The following HCN1 variants were observed in gnomAD, a reference collection of about 807,000 sequenced individuals.
HCN1 encodes the protein potassium/sodium hyperpolarization-activated cyclic nucleotide-gated channel 1.
Under a neutral mutation model 78.9 loss-of-function variants are expected in HCN1, and 13 were observed. The ratio of observed to expected loss-of-function variants is 0.16; its 90% confidence interval spans 0.11 to 0.26. HCN1 has a LOEUF of 0.26. HCN1 is among the 10% of genes least tolerant of loss of function. The pLI, the probability that HCN1 is intolerant of heterozygous loss-of-function variation, is 1.00. For missense variants in HCN1, 810 were observed against 1,154.3 expected, an observed-to-expected ratio of 0.70 and a Z score of 4.32; for synonymous variants, 552 against 455.5, an observed-to-expected ratio of 1.21 and a Z score of -2.70.
At chr5:45,408,779 T>C (rs1739974638) in intron 3 of HCN1, among the ~76,000 whole-genome samples, 1 of 152,178 alleles carries the variant, frequency 6.6e-6, no homozygotes, top group South Asian at 2.1e-4. Flanking sequence ...ATTTTGAGGT[T>C]TGAGCACACT....
intron 2 of HCN1, among the ~76,000 whole-genome samples, chr5:45,619,789 T>G (rs1332070346): frequency 1.3e-5 from 2 of 152,078 alleles, no homozygotes; most frequent in Non-Finnish European, 1.5e-5. Context: ...ACTTATTAAT[T>G]AATGTGGTGA....
At chr5:45,299,329 T>C (rs1042779291) in intron 6 of HCN1, among the ~76,000 whole-genome samples, 1 of 152,022 alleles carries the variant, frequency 6.6e-6, no homozygotes, top group African/African-American at 2.4e-5. Flanking sequence ...AATAATTATG[T>C]AAATATAAAG....
At chr5:45,370,366 A>G (rs1327409828) in intron 4 of HCN1, among the ~76,000 whole-genome samples, 1 of 151,786 alleles carries the variant, frequency 6.6e-6, no homozygotes, top group Admixed American at 6.6e-5. Flanking sequence ...CATTACATTA[A>G]TTTTTTTTCT....
Position 45,261,359 on chromosome 5 carries a change from C to A in HCN1, c.*562G>T, listed in dbSNP as rs1263470452. 1 of 152,826 alleles carries A rather than the reference C, an allele frequency of 6.5e-6. No individual in the cohort carries two copies. The allele number at this position is 152,826 out of a possible 1,614,324, so 9.5% of individuals were successfully genotyped here. A position where few individuals can be genotyped will look rare whatever the true frequency, so the allele number is the denominator to read the frequency against. ...TGGCAATGCTAGTCTCCTACGGTGG[C>A]CAAGCAAGTAGTGCATTCTTTAACC... is the stretch of plus-strand genomic sequence containing the variant. On this transcript the variant is annotated 3_prime_UTR_variant, in exon 8 of 8. Transcript: ENST00000303230.
In HCN1 at chr5:45,422,429, T is replaced by C. The variant is rs530253929; in HGVS notation, c.1012-25719A>G. Among the ~76,000 whole-genome samples the C allele has an allele frequency of 7.2e-5, 11 of 152,262 alleles. No individual in the cohort carries two copies. In the South Asian group the frequency reaches 2.3e-3, roughly 32 times the overall value. On this transcript the variant is annotated intron_variant, in intron 3 of 7. Coordinates refer to ENST00000303230, the MANE Select transcript of HCN1 (RefSeq NM_021072.4). ...GTGGGTGAGGAAAAGATACTACTTT[T>C]CTCTCCCCTATGATGTCATTGGAGC... is the stretch of plus-strand genomic sequence containing the variant.
intron 3 of HCN1, among the ~76,000 whole-genome samples, chr5:45,458,941 G>A (rs940769313): frequency 2.0e-5 from 3 of 151,932 alleles, no homozygotes; most frequent in African/African-American, 7.3e-5. Context: ...ATAACTCCTT[G>A]TGCATAAATA....
intron 6 of HCN1, among the ~76,000 whole-genome samples, chr5:45,291,896 G>A (rs1291225677): frequency 1.3e-5 from 2 of 151,764 alleles, no homozygotes; most frequent in Non-Finnish European, 2.9e-5. Context: ...TATTTTTTAT[G>A]GCATCAAATA....
chr5:45,374,027 ATT>A (rs1747515349), intron 4 of HCN1, among the ~76,000 whole-genome samples: 1 of 114,584 alleles, frequency 8.7e-6, no homozygotes, highest in East Asian at 2.3e-4. Flanking sequence ...TATTATATAT[ATT>A]ATATACATAA....
intron 2 of HCN1, among the ~76,000 whole-genome samples, chr5:45,540,530 G>A (rs972211147): frequency 3.9e-5 from 6 of 151,990 alleles, no homozygotes; most frequent in Admixed American, 2.0e-4. Flanking sequence ...GGGTTTTGCC[G>A]TGTTGCCCAG....
chr5:45,675,614 T>C (rs140781470), intron 1 of HCN1, among the ~76,000 whole-genome samples: 1 of 151,934 alleles, frequency 6.6e-6, no homozygotes, highest in Admixed American at 6.6e-5. Context: ...TTTTGACCAT[T>C]CCCTGGACCA....
chr5:45,573,906 A>G (rs192469863), intron 2 of HCN1, among the ~76,000 whole-genome samples: 14 of 152,236 alleles, frequency 9.2e-5, no homozygotes, highest in African/African-American at 3.1e-4. Flanking sequence ...TATTTATTTT[A>G]TGAGAAAAAT....
chr5:45,658,163 G>T (rs1293215290), intron 1 of HCN1, among the ~76,000 whole-genome samples: 1 of 152,158 alleles, frequency 6.6e-6, no homozygotes, highest in Non-Finnish European at 1.5e-5. Context: ...AATAAATGGT[G>T]CTGGGAAAAC....
chr5:45,365,350 C>A (rs1747213083), intron 4 of HCN1, among the ~76,000 whole-genome samples: 1 of 151,880 alleles, frequency 6.6e-6, no homozygotes, highest in Non-Finnish European at 1.5e-5. Context: ...ACCTCCCATT[C>A]TCCACCCTTT....
chr5:45,284,333 T>C (rs1745227978), intron 6 of HCN1, among the ~76,000 whole-genome samples: 1 of 152,140 alleles, frequency 6.6e-6, no homozygotes, highest in Admixed American at 6.6e-5. Context: ...AAGATTTTAA[T>C]CTGTAACCCT....
At chr5:45,449,006 C>T (rs767617121) in intron 3 of HCN1, among the ~76,000 whole-genome samples, 1 of 152,004 alleles carries the variant, frequency 6.6e-6, no homozygotes, top group Non-Finnish European at 1.5e-5. Flanking sequence ...CCCAGTTACT[C>T]GGGAGGCTGA....
intron 4 of HCN1, among the ~76,000 whole-genome samples, chr5:45,372,249 T>A (rs1215373273): frequency 7.9e-4 from 58 of 73,412 alleles, no homozygotes; most frequent in East Asian, 2.0e-3. Flanking sequence ...ATTTTATATA[T>A]AATATATATT....
At chr5:45,592,546 T>A (rs1243169694) in intron 2 of HCN1, among the ~76,000 whole-genome samples, 1 of 152,220 alleles carries the variant, frequency 6.6e-6, no homozygotes, top group African/African-American at 2.4e-5. Context: ...GAATCTTATT[T>A]CATTATATCA....
chr5:45,271,939 GAAC>G (rs1447645793), intron 6 of HCN1, among the ~76,000 whole-genome samples: 4 of 151,988 alleles, frequency 2.6e-5, no homozygotes, highest in Admixed American at 2.6e-4. Context: ...GTGAGAAAAA[GAAC>G]AACTGAAGGT....
intron 2 of HCN1, among the ~76,000 whole-genome samples, chr5:45,565,613 A>G (rs1224045433): frequency 1.3e-5 from 2 of 152,044 alleles, no homozygotes; most frequent in Non-Finnish European, 2.9e-5. Flanking sequence ...GCTTAAGCCC[A>G]GGAGTTTGAG....
Sources: gnomAD v4.1 joint callset for allele counts (sites outside exome capture counted in the v4.1 genomes callset) on GRCh38, gnomAD v4.1.1 for gene constraint, MANE v1.5 for transcripts, NCBI Gene and HGNC (gene_info 2026-07-23, HGNC 2026-07-21) for gene names.